Variants in NARS2 observed in about 807,000 individuals in gnomAD.
NARS2 encodes asparaginyl-tRNA synthetase.
NARS2 carries 60 observed loss-of-function variants against 62.9 expected under a neutral mutation model. That is an observed-to-expected ratio of 0.95 (90% CI 0.77 to 1.18). The LOEUF (loss-of-function observed/expected upper bound fraction) is 1.18, where lower values mean the gene tolerates loss of function less well. NARS2 is among the 50% of genes most tolerant of loss of function. NARS2 has a pLI of 0.00. For missense variants in NARS2, 619 were observed against 576.4 expected (o/e 1.07, Z -0.76); for synonymous variants, 196 against 200.0 (o/e 0.98, Z 0.17).
At chr11:78,543,622 G>A (rs1029242641) in intron 5 of NARS2, among the ~76,000 whole-genome samples, 6 of 152,144 alleles carry the variant, frequency 3.9e-5, no homozygotes, top group African/African-American at 1.2e-4. Context: ...TCTAGCAGAG[G>A]TGAACTATTC....
intron 5 of NARS2, among the ~76,000 whole-genome samples, chr11:78,531,645 T>C (rs755580791): frequency 6.6e-6 from 1 of 152,146 alleles, no homozygotes; most frequent in Non-Finnish European, 1.5e-5. Flanking sequence ...CAAAATATGA[T>C]ATATACATAG....
At chr11:78,563,589 T>C (rs962231340) in intron 4 of NARS2, among the ~76,000 whole-genome samples, 1 of 151,052 alleles carries the variant, frequency 6.6e-6, no homozygotes, top group Non-Finnish European at 1.5e-5. Context: ...TCCCAGCACT[T>C]TGGGAGGCTG....
chr11:78,438,190 C>T (rs1350228652), intron 13 of NARS2, among the ~76,000 whole-genome samples: 3 of 152,042 alleles, frequency 2.0e-5, no homozygotes, highest in Non-Finnish European at 4.4e-5. Context: ...TAAGTCTAAG[C>T]ACTTATCTTT....
intron 9 of NARS2, among the ~76,000 whole-genome samples, chr11:78,477,192 CT>C (rs1296804566): frequency 6.6e-6 from 1 of 152,150 alleles, no homozygotes; most frequent in Non-Finnish European, 1.5e-5. Flanking sequence ...CAAATTACTT[CT>C]TTCTTCATCT....
At position 78,504,436 on chromosome 11, in the gene NARS2, T is replaced by TTTG. The variant is rs1860408727; in HGVS notation, c.690-11242_690-11241insCAA. Among the ~76,000 whole-genome samples, 7 of 118,960 alleles carry TTTG rather than the reference T, an allele frequency of 5.9e-5. 2 individuals carry two copies. The highest frequency in any genetic ancestry group is 2.4e-4 in the South Asian group (1 of 4,186). The allele number at this position is 118,960 out of a possible 152,430, so 78.0% of individuals were successfully genotyped here. Reference sequence around the variant, plus strand: ...CTGTTTCATGTGGCAAAACACCAGTTTTTTTTTTTTTTTTTTTTTTCTGTG... The same window carrying TTTG: ...CTGTTTCATGTGGCAAAACACCAGTTTTGTTTTTTTTTTTTTTTTTTTTCTGTG... On this transcript the variant is annotated intron_variant, in intron 6 of 13. Transcript: ENST00000281038.
intron 7 of NARS2, among the ~76,000 whole-genome samples, chr11:78,492,507 C>T (rs1035378895): frequency 6.6e-6 from 1 of 152,176 alleles, no homozygotes; most frequent in Non-Finnish European, 1.5e-5. Flanking sequence ...CACTGAAATA[C>T]AAGGTCTTTC....
rs148327640 is a variant in NARS2, at chr11:78,509,919, T to G, written c.690-16724A>C. On this transcript the variant is annotated intron_variant, in intron 6 of 13. Coordinates refer to ENST00000281038, the MANE Select transcript of NARS2 (RefSeq NM_024678.6). ...TGAGCTGGTATAAATTCAAGTTAGATTGTTATAATTTTAGGATCTTCAATG... is the reference window on the plus strand; with the variant it reads ...TGAGCTGGTATAAATTCAAGTTAGAGTGTTATAATTTTAGGATCTTCAATG... Among the ~76,000 whole-genome samples the G allele has an allele frequency of 5.3e-3, 803 of 151,984 alleles. 3 individuals are homozygous for G. The highest frequency in any genetic ancestry group is 0.015 in the African/African-American group (639 of 41,470).
At position 78,506,518 on chromosome 11, in the gene NARS2, C is replaced by A. The variant is rs545353773; in HGVS notation, c.690-13323G>T. The stretch of plus-strand genomic sequence containing the variant: ...CTGTCTACCCACCTAGACAAGTGCA[C>A]TAGTAGTATTTGTCTGATTTAACTG... On this transcript the variant is annotated intron_variant, in intron 6 of 13. Coordinates refer to ENST00000281038, the MANE Select transcript of NARS2 (RefSeq NM_024678.6). Among the ~76,000 whole-genome samples, 35 of 152,202 alleles carry A rather than the reference C, an allele frequency of 2.3e-4. No homozygotes were observed. The South Asian group carries it at 7.1e-3, about 31-fold the overall frequency.
chr11:78,512,646 C>T (rs1860760130), intron 6 of NARS2, among the ~76,000 whole-genome samples: 1 of 152,170 alleles, frequency 6.6e-6, no homozygotes, highest in African/African-American at 2.4e-5. Context: ...TCAACTAACA[C>T]AATCATTCAT....
At chr11:78,494,475 T>C (rs1195520731) in intron 6 of NARS2, among the ~76,000 whole-genome samples, 1 of 148,808 alleles carries the variant, frequency 6.7e-6, no homozygotes, top group Non-Finnish European at 1.5e-5. Context: ...TTTTCTTTTT[T>C]TTTTTTTTTT....
chr11:78,528,856 T>C lies in NARS2; in HGVS notation c.675A>G (p.Leu225=), dbSNP rs1340974815. 2.0e-5 allele frequency: 32 copies of C among 1,608,352 alleles called. No individual in the cohort carries two copies. Among genetic ancestry groups the C allele is most frequent in the Non-Finnish European group, 2.6e-5 (31 of 1,175,562 alleles). The part of the protein sequence containing the change: ...AFLTVSGQLH[L]EVMSGAFTQV... ...AAATTTCATACCCTGACATCACTTCTAGATGAAGTTGTCCTGAGACAGTTA... is the reference window on the plus strand; with the variant it reads ...AAATTTCATACCCTGACATCACTTCCAGATGAAGTTGTCCTGAGACAGTTA... The change falls in exon 6 of 14, where the codon CTA becomes CTG. Residue 225 remains leucine, a synonymous_variant. Transcript: ENST00000281038.
intron 6 of NARS2, among the ~76,000 whole-genome samples, chr11:78,500,649 T>G (rs1428596663): frequency 6.6e-6 from 1 of 152,142 alleles, no homozygotes; most frequent in African/African-American, 2.4e-5. Context: ...AATTAAAAAT[T>G]TTTTTATAGA....
At chr11:78,560,121 T>G (rs1565284584) in intron 4 of NARS2, among the ~76,000 whole-genome samples, 1 of 152,034 alleles carries the variant, frequency 6.6e-6, no homozygotes, top group Non-Finnish European at 1.5e-5. Flanking sequence ...TCAATTGTAA[T>G]GAACCACCAA....
intron 5 of NARS2, among the ~76,000 whole-genome samples, chr11:78,544,444 G>A (rs1290167841): frequency 6.6e-6 from 1 of 152,180 alleles, no homozygotes; most frequent in Non-Finnish European, 1.5e-5. Context: ...TTTCCAGAAT[G>A]CATCTTCCAT....
chr11:78,551,764 T>C (rs1022153831), intron 5 of NARS2, among the ~76,000 whole-genome samples: 17 of 152,064 alleles, frequency 1.1e-4, no homozygotes, highest in Non-Finnish European at 1.5e-4. Flanking sequence ...GGCAGGAGAA[T>C]TGCTTTAACC....
chr11:78,564,569 A>C (rs560007833), intron 4 of NARS2, among the ~76,000 whole-genome samples: 1 of 152,318 alleles, frequency 6.6e-6, no homozygotes, highest in East Asian at 1.9e-4. Flanking sequence ...AGTTTCAAGT[A>C]ATCAATGTAT....
intron 5 of NARS2, among the ~76,000 whole-genome samples, chr11:78,535,775 G>A (rs1490461748): frequency 1.3e-5 from 2 of 151,786 alleles, no homozygotes; most frequent in Non-Finnish European, 1.5e-5. Context: ...GCACCACCAC[G>A]CCTTGCTAAT....
intron 6 of NARS2, among the ~76,000 whole-genome samples, chr11:78,514,232 C>T (rs944334287): frequency 5.3e-5 from 8 of 152,130 alleles, no homozygotes; most frequent in Non-Finnish European, 7.4e-5. Flanking sequence ...AATAAATCCT[C>T]GACCCTCAGC....
chr11:78,464,356 C>T lies in NARS2; in HGVS notation c.1164+1520G>A, dbSNP rs538056767. 5.3e-5 allele frequency among the ~76,000 whole-genome samples: 8 copies of T among 152,224 alleles called. No individual in the cohort carries two copies. The East Asian group carries it at 1.5e-3, about 29-fold the overall frequency. ...AACTTCCACAGTGTGGAAGGGGACC[C>T]GAGCGGGTTGCTACTGCTGGCTCGG... On this transcript the variant is annotated intron_variant, in intron 11 of 13. Coordinates refer to ENST00000281038, the MANE Select transcript of NARS2 (RefSeq NM_024678.6).
Sources: allele counts gnomAD v4.1 joint callset (sites outside exome capture counted in the v4.1 genomes callset), GRCh38; gene constraint gnomAD v4.1.1; transcripts MANE v1.5; gene names NCBI Gene and HGNC (gene_info 2026-07-23, HGNC 2026-07-21).